LY86: variants seen among roughly 807,000 people sequenced by gnomAD.
LY86 encodes lymphocyte antigen 86.
Under a neutral mutation model 17.3 loss-of-function variants are expected in LY86, and 20 were observed. The observed-to-expected ratio is 1.15, with a 90% CI of 0.81 to 1.68. The LOEUF (loss-of-function observed/expected upper bound fraction) is 1.68. Among genes scored for constraint, LY86 ranks in the 40% most tolerant of loss-of-function variants. The probability of loss-of-function intolerance (pLI) is 0.00; values close to 1 mark genes in which losing one functional copy is unlikely to be tolerated. For missense variants in LY86, 200 were observed against 191.9 expected (o/e 1.04, Z -0.25); for synonymous variants, 74 against 70.6 (o/e 1.05, Z -0.24).
intron 1 of LY86, among the ~76,000 whole-genome samples, chr6:6,605,591 T>G (rs886508165): frequency 6.6e-6 from 1 of 152,200 alleles, no homozygotes; most frequent in Non-Finnish European, 1.5e-5. Context: ...ACAGCTGTCA[T>G]AGTCTCATGA....
At chr6:6,609,413 G>C (rs912639798) in intron 1 of LY86, among the ~76,000 whole-genome samples, 1 of 152,202 alleles carries the variant, frequency 6.6e-6, no homozygotes, top group African/African-American at 2.4e-5. Flanking sequence ...CTGCTTTCTT[G>C]GGAAAGCTTC....
chr6:6,611,667 C>T (rs947491189), intron 1 of LY86, among the ~76,000 whole-genome samples: 5 of 152,248 alleles, frequency 3.3e-5, no homozygotes, highest in Admixed American at 3.3e-4. Context: ...CTCACCGCAC[C>T]TTGTGGCTAC....
At chr6:6,644,206 T>C (rs910894812) in intron 3 of LY86, among the ~76,000 whole-genome samples, 2 of 152,170 alleles carry the variant, frequency 1.3e-5, no homozygotes, top group South Asian at 2.1e-4. Flanking sequence ...GCGCTGGTTA[T>C]TGAGAACAAA....
chr6:6,591,537 AATG>A (rs1465280698), intron 1 of LY86: 3 of 153,748 alleles, frequency 2.0e-5, no homozygotes, highest in African/African-American at 4.8e-5. Context: ...TGAAAATACT[AATG>A]ATAACACCTC....
intron 4 of LY86, among the ~76,000 whole-genome samples, chr6:6,649,879 C>A (rs1199971011): frequency 6.6e-6 from 1 of 152,216 alleles, no homozygotes; most frequent in Non-Finnish European, 1.5e-5. Flanking sequence ...AATTTCTTGA[C>A]ACACTGGCTT....
At chr6:6,612,550 A>G (rs1382535572) in intron 1 of LY86, among the ~76,000 whole-genome samples, 1 of 152,188 alleles carries the variant, frequency 6.6e-6, no homozygotes, top group Non-Finnish European at 1.5e-5. Context: ...AAGCAACGAA[A>G]CAACCAGTTG....
intron 1 of LY86, among the ~76,000 whole-genome samples, chr6:6,608,247 CTT>C (rs1761244406): frequency 6.6e-6 from 1 of 152,228 alleles, no homozygotes; most frequent in South Asian, 2.1e-4. Flanking sequence ...TATAATATGA[CTT>C]TGTCTACGCA....
intron 1 of LY86, among the ~76,000 whole-genome samples, chr6:6,597,567 T>C (rs993239874): frequency 6.6e-6 from 1 of 152,180 alleles, no homozygotes; most frequent in Non-Finnish European, 1.5e-5. Context: ...TGACTGGGGT[T>C]CTAGAGACAC....
intron 1 of LY86, among the ~76,000 whole-genome samples, chr6:6,607,908 A>G (rs1761232605): frequency 6.6e-6 from 1 of 152,204 alleles, no homozygotes; most frequent in Admixed American, 6.5e-5. Flanking sequence ...AAATAAAAAT[A>G]AAAATAAAAA....
At chr6:6,641,307 A>G (rs1762035951) in intron 3 of LY86, among the ~76,000 whole-genome samples, 1 of 152,236 alleles carries the variant, frequency 6.6e-6, no homozygotes, top group Non-Finnish European at 1.5e-5. Context: ...TATTCTACTT[A>G]TGCACTATTG....
chr6:6,597,178 G>A lies in LY86; in HGVS notation c.136+8308G>A, dbSNP rs903061582. On this transcript the variant is annotated intron_variant, in intron 1 of 4. Coordinates refer to ENST00000230568, the MANE Select transcript of LY86 (RefSeq NM_004271.4). ...GTTTCAGACCCAGGCCCGCAGGAGG[G>A]GGAGTGTGAAGACCAGAGCAGTTTC... 3.6e-4 allele frequency among the ~76,000 whole-genome samples: 55 copies of A among 152,220 alleles called. 1 individual carries two copies. Among genetic ancestry groups the A allele is most frequent in the Admixed American group, 3.5e-3 (54 of 15,284 alleles).
chr6:6,639,926 C>T (rs1372674565), intron 3 of LY86, among the ~76,000 whole-genome samples: 2 of 152,170 alleles, frequency 1.3e-5, no homozygotes, highest in Non-Finnish European at 2.9e-5. Context: ...ACTCAAACTC[C>T]ATAGGTTTTC....
At chr6:6,645,940 C>G (rs1762100770) in intron 3 of LY86, among the ~76,000 whole-genome samples, 1 of 152,102 alleles carries the variant, frequency 6.6e-6, no homozygotes, top group African/African-American at 2.4e-5. Flanking sequence ...CTTGCCAGAA[C>G]AGATTGGGAA....
chr6:6,594,910 C>A (rs1309251952), intron 1 of LY86, among the ~76,000 whole-genome samples: 1 of 152,224 alleles, frequency 6.6e-6, no homozygotes, highest in African/African-American at 2.4e-5. Flanking sequence ...TGATACAAAC[C>A]TATGTGTCCT....
At position 6,626,335 on chromosome 6, in the gene LY86, C is replaced by G; in HGVS notation, c.266C>G (p.Ser89Cys). 6.2e-7 allele frequency: 1 copy of G among 1,614,036 alleles called. No individual in the cohort carries two copies. The highest frequency in any genetic ancestry group is 8.5e-7 in the Non-Finnish European group (1 of 1,179,974). Residue 89 changes from serine to cysteine, a missense_variant, in exon 3 of 5, where the codon TCT becomes TGT. Ser to Cys is a moderately radical substitution (Grantham distance 112). Coordinates refer to ENST00000230568, the MANE Select transcript of LY86 (RefSeq NM_004271.4). Reference sequence around the variant, plus strand: ...CTTTTTCTTGACCTAGCTCTCATGTCTCAAGGCTCATCTGTTTTGAATTTC... The same window carrying G: ...CTTTTTCTTGACCTAGCTCTCATGTGTCAAGGCTCATCTGTTTTGAATTTC... ...KELFLDLALM[S>C]QGSSVLNFSY...
intron 3 of LY86, among the ~76,000 whole-genome samples, chr6:6,647,886 A>G (rs957514189): frequency 2.0e-5 from 3 of 151,912 alleles, no homozygotes; most frequent in Non-Finnish European, 4.4e-5. Context: ...CCTTTTCCCT[A>G]AAATTCCAGA....
At chr6:6,629,769 C>A (rs1761871609) in intron 3 of LY86, among the ~76,000 whole-genome samples, 1 of 152,216 alleles carries the variant, frequency 6.6e-6, no homozygotes, top group Admixed American at 6.5e-5. Context: ...ATTCAAAGAC[C>A]AGCTGATGCT....
intron 1 of LY86, among the ~76,000 whole-genome samples, chr6:6,595,044 G>A (rs185313654): frequency 2.3e-4 from 35 of 151,972 alleles, no homozygotes; most frequent in African/African-American, 7.7e-4. Flanking sequence ...ATAAGTCTTC[G>A]GGTAAAAAAG....
chr6:6,595,418 A>G (rs1760678795), intron 1 of LY86, among the ~76,000 whole-genome samples: 1 of 137,910 alleles, frequency 7.3e-6, no homozygotes, highest in African/African-American at 2.6e-5. Flanking sequence ...AAAGGGGAGA[A>G]AGAAGAGAAG....
Sources: gnomAD v4.1 joint callset for allele counts (sites outside exome capture counted in the v4.1 genomes callset) on GRCh38, gnomAD v4.1.1 for gene constraint, MANE v1.5 for transcripts, NCBI Gene and HGNC (gene_info 2026-07-23, HGNC 2026-07-21) for gene names.